Variants in C9orf85 observed in about 807,000 individuals in gnomAD.
C9orf85 encodes chromosome 9 open reading frame 85, also known as uncharacterized protein C9orf85.
Under a neutral mutation model 14.9 loss-of-function variants are expected in C9orf85, and 16 were observed. The ratio of observed to expected loss-of-function variants is 1.08; its 90% CI spans 0.73 to 1.63. C9orf85 has a LOEUF of 1.63. Ranked by LOEUF, C9orf85 falls within the 40% of genes most tolerant of loss-of-function variation. The pLI is 0.00. For missense variants in C9orf85, 172 were observed against 186.1 expected, an observed-to-expected ratio of 0.92 and a Z score of 0.44; for synonymous variants, 45 against 56.8, an observed-to-expected ratio of 0.79 and a Z score of 0.93.
At chr9:71,978,539 C>T (rs1421585487) in intron 3 of C9orf85, among the ~76,000 whole-genome samples, 2 of 152,110 alleles carry the variant, frequency 1.3e-5, no homozygotes, top group African/African-American at 2.4e-5. Flanking sequence ...GTATTATATA[C>T]TTTATGGGCC....
At chr9:71,983,467 T>G (rs1457457044), downstream of C9orf85, 1 of 152,240 alleles carries the variant, frequency 6.6e-6, no homozygotes, top group African/African-American at 2.4e-5. Context: ...TGGAAATATT[T>G]TCTCGCTGTC....
intron 2 of C9orf85, among the ~76,000 whole-genome samples, chr9:71,956,987 CTTT>C (rs199797246): frequency 6.9e-6 from 1 of 144,250 alleles, no homozygotes; most frequent in East Asian, 2.0e-4. Context: ...TGAAGACTGA[CTTT>C]TTTTTTTTTT....
At chr9:71,924,290 G>T in intron 1 of C9orf85, among the ~76,000 whole-genome samples, 1 of 152,098 alleles carries the variant, frequency 6.6e-6, no homozygotes, top group Non-Finnish European at 1.5e-5. Flanking sequence ...GACATTTTTA[G>T]AACTTTATGG....
chr9:71,916,634 A>T (rs1391219392), intron 1 of C9orf85, among the ~76,000 whole-genome samples: 1 of 152,176 alleles, frequency 6.6e-6, no homozygotes, highest in Non-Finnish European at 1.5e-5. Flanking sequence ...TGTACTCTAA[A>T]TAATTTTGGA....
At chr9:71,949,912 A>G (rs1822202364) in intron 2 of C9orf85, among the ~76,000 whole-genome samples, 2 of 152,142 alleles carry the variant, frequency 1.3e-5, no homozygotes, top group East Asian at 3.8e-4. Context: ...CTTATGGCCT[A>G]CTTCAGGGGT....
At chr9:71,959,348 G>A (rs1442453269) in intron 2 of C9orf85, among the ~76,000 whole-genome samples, 3 of 151,878 alleles carry the variant, frequency 2.0e-5, no homozygotes, top group South Asian at 4.2e-4. Context: ...TGTTGGTCAG[G>A]CTGGTCTCAA....
At chr9:71,918,161 C>G (rs1351622833) in intron 1 of C9orf85, among the ~76,000 whole-genome samples, 12 of 151,916 alleles carry the variant, frequency 7.9e-5, no homozygotes, top group Non-Finnish European at 1.8e-4. Flanking sequence ...CCAGCCTGGG[C>G]CACAGGGAGG....
At chr9:71,932,679 A>G (rs989415517) in intron 1 of C9orf85, among the ~76,000 whole-genome samples, 1 of 152,206 alleles carries the variant, frequency 6.6e-6, no homozygotes, top group Non-Finnish European at 1.5e-5. Context: ...CAGGGTTACT[A>G]TCTTATTTGA....
At chr9:71,964,900 C>T (rs1334074174) in intron 2 of C9orf85, among the ~76,000 whole-genome samples, 1 of 152,142 alleles carries the variant, frequency 6.6e-6, no homozygotes, top group East Asian at 1.9e-4. Flanking sequence ...AGGACGAACC[C>T]GGGCACTTAG....
chr9:71,937,427 GT>G lies in C9orf85; in HGVS notation c.103-9576del, dbSNP rs535874757. On this transcript the variant is annotated intron_variant, in intron 1 of 3. Coordinates refer to ENST00000334731, the MANE Select transcript of C9orf85 (RefSeq NM_182505.5). ...CCACTTATTGAAAGAATGGTTCTCT[GT>G]TTGGGATGATCAGAACTCATTTTAT... Among the ~76,000 whole-genome samples the G allele has an allele frequency of 2.3e-3, 355 of 152,274 alleles. 1 individual carries two copies. Among genetic ancestry groups the G allele is most frequent in the Non-Finnish European group, 2.4e-3 (162 of 68,010 alleles).
chr9:71,923,493 C>T (rs1827862370), intron 1 of C9orf85, among the ~76,000 whole-genome samples: 1 of 152,164 alleles, frequency 6.6e-6, no homozygotes, highest in Admixed American at 6.5e-5. Flanking sequence ...CTCTCGAACT[C>T]CTGACCTTAT....
intron 2 of C9orf85, 44 bp from the exon 3 acceptor site, chr9:71,971,459 GTC>G (rs755152306): frequency 8.6e-7 from 1 of 1,157,802 alleles, no homozygotes; most frequent in South Asian, 1.5e-5. Flanking sequence ...TATCAAATAA[GTC>G]TGAAATAAAC....
intron 2 of C9orf85, among the ~76,000 whole-genome samples, chr9:71,968,101 T>TATAGAGAGAG (rs1554709461): frequency 5.4e-5 from 8 of 146,814 alleles, no homozygotes; most frequent in Admixed American, 1.4e-4. Flanking sequence ...TATATATATA[T>TATAGAGAGAG]AGAGAGAGAG....
downstream of C9orf85, among the ~76,000 whole-genome samples, chr9:71,978,332 A>ACTC (rs1273016422): frequency 6.6e-6 from 1 of 152,026 alleles, no homozygotes. Context: ...CTGGTCTCAA[A>ACTC]CTCCTGACCT....
intron 1 of C9orf85, among the ~76,000 whole-genome samples, chr9:71,919,733 C>A (rs1827745428): frequency 6.6e-6 from 1 of 152,086 alleles, no homozygotes; most frequent in South Asian, 2.1e-4. Flanking sequence ...TATTGTTTAC[C>A]TTTTATTTTC....
rs543830599 is a variant in C9orf85 at position 71,916,939 on chromosome 9, A to T, written c.102+5103A>T. Among the ~76,000 whole-genome samples the T allele has an allele frequency of 9.2e-5, 14 of 152,326 alleles. No individual in the cohort carries two copies. The East Asian group carries it at 2.5e-3, about 27-fold the overall frequency. On this transcript the variant is annotated intron_variant, in intron 1 of 3. Transcript: ENST00000334731. The stretch of plus-strand genomic sequence containing the variant: ...TATGTATACTTGCTATACATTATCT[A>T]TAATAATTTCATCTTCAAAGTAACC...
At chr9:71,977,756 C>G (rs779476819), downstream of C9orf85, among the ~76,000 whole-genome samples, 1 of 151,856 alleles carries the variant, frequency 6.6e-6, no homozygotes, top group African/African-American at 2.4e-5. Context: ...GAATTTTTTT[C>G]TCTCGTATTG....
intron 1 of C9orf85, among the ~76,000 whole-genome samples, chr9:71,922,805 C>T (rs988877456): frequency 1.3e-5 from 2 of 152,196 alleles, no homozygotes; most frequent in African/African-American, 4.8e-5. Flanking sequence ...CAGACTTGCT[C>T]CTCACTGGTA....
intron 3 of C9orf85, among the ~76,000 whole-genome samples, chr9:71,980,402 T>A (rs560415966): frequency 6.6e-6 from 1 of 152,226 alleles, no homozygotes; most frequent in South Asian, 2.1e-4. Context: ...CCTAAATAAC[T>A]GAAAAAGGAA....
Sources: gnomAD v4.1 joint callset for allele counts (sites outside exome capture counted in the v4.1 genomes callset) on GRCh38, gnomAD v4.1.1 for gene constraint, MANE v1.5 for transcripts, NCBI Gene and HGNC (gene_info 2026-07-23, HGNC 2026-07-21) for gene names.